The following MOK variants were observed in gnomAD, a reference collection of about 807,000 sequenced individuals.
MOK encodes MOK protein kinase.
MOK carries 59 observed loss-of-function variants against 54.2 expected under a neutral mutation model. The observed-to-expected ratio is 1.09, with a 90% CI of 0.88 to 1.35. The LOEUF (loss-of-function observed/expected upper bound fraction) is 1.35, where lower values mean the gene tolerates loss of function less well. Ranked by LOEUF, MOK falls within the 40% of genes most tolerant of loss-of-function variation. The probability of loss-of-function intolerance (pLI) is 0.00; values close to 1 mark genes in which losing one functional copy is unlikely to be tolerated. For synonymous variants in MOK, 210 were observed against 202.7 expected (o/e 1.04, Z -0.31); for missense variants, 517 against 526.2 (o/e 0.98, Z 0.17).
chr14:102,229,849 G>A lies in MOK; in HGVS notation c.982-192C>T, dbSNP rs1291433367. ...TGCCCACTAGAGTCCCACGGGGGAG[G>A]CCAAACCTTCAGGGGGAACCTGAAG... is the stretch of plus-strand genomic sequence containing the variant. On this transcript the variant is annotated intron_variant, in intron 10 of 11. Transcript: ENST00000361847. 1.0e-5 allele frequency: 6 copies of A among 593,312 alleles called. No homozygotes were observed. The East Asian group carries it at 1.4e-4, about 14-fold the overall frequency. 36.8% of individuals were successfully genotyped at this position (593,312 alleles called of 1,614,324 possible).
downstream of MOK, chr14:102,223,061 A>G (rs1409663161): frequency 1.7e-6 from 1 of 605,760 alleles, no homozygotes; most frequent in Non-Finnish European, 2.8e-6. Context: ...CTGCTCACCC[A>G]AAGAAGTTGT....
intron 2 of MOK, among the ~76,000 whole-genome samples, chr14:102,282,078 G>C (rs1397005749): frequency 6.6e-6 from 1 of 152,092 alleles, no homozygotes; most frequent in South Asian, 2.1e-4. Context: ...TATGAAACAA[G>C]GATAACTACC....
At chr14:102,219,710 C>A (rs950574617), downstream of MOK, among the ~76,000 whole-genome samples, 1 of 152,208 alleles carries the variant, frequency 6.6e-6, no homozygotes, top group Non-Finnish European at 1.5e-5. Flanking sequence ...GCATGGGGAC[C>A]CTGAGTTTTG....
chr14:102,258,711 AC>A (rs1166182722), intron 4 of MOK, among the ~76,000 whole-genome samples: 2 of 152,104 alleles, frequency 1.3e-5, no homozygotes, highest in Non-Finnish European at 1.5e-5. Context: ...AAAGAAATCT[AC>A]CCCAGCAATT....
At position 102,287,848 on chromosome 14, in the gene MOK, C is replaced by T. The variant is rs892436589; in HGVS notation, c.8-4256G>A. ...TTTTTTTTTTTTTTTTTTTTTGAGA[C>T]GGAGTCTTGCTCTGTCGCCCAGGCC... On this transcript the variant is annotated intron_variant, in intron 1 of 11. Coordinates refer to ENST00000361847, the MANE Select transcript of MOK (RefSeq NM_014226.3). Among the ~76,000 whole-genome samples, 116 of 126,124 alleles carry T rather than the reference C, an allele frequency of 9.2e-4. 1 individual carries two copies. Among genetic ancestry groups the T allele is most frequent in the African/African-American group, 2.9e-3 (91 of 31,666 alleles). The allele number at this position is 126,124 out of a possible 152,430, so 82.7% of individuals were successfully genotyped here. A position where few individuals can be genotyped will look rare whatever the true frequency, so the allele number is the denominator to read the frequency against.
intron 4 of MOK, among the ~76,000 whole-genome samples, chr14:102,261,182 G>A (rs2067361000): frequency 6.7e-6 from 1 of 149,454 alleles, no homozygotes; most frequent in African/African-American, 2.5e-5. Flanking sequence ...GCTTGCACCT[G>A]GGAGGCAGAG....
At chr14:102,296,465 A>C (rs537558194) in intron 1 of MOK, among the ~76,000 whole-genome samples, 26 of 152,304 alleles carry the variant, frequency 1.7e-4, no homozygotes, top group Non-Finnish European at 3.1e-4. Context: ...AAATGTATGA[A>C]TGTCCATCTA....
chr14:102,243,467 T>C (rs573189074), intron 7 of MOK, among the ~76,000 whole-genome samples: 2 of 152,354 alleles, frequency 1.3e-5, no homozygotes. Context: ...CTGGCCATCA[T>C]GTCTCTGTGT....
chr14:102,251,654 G>A (rs781121757), intron 6 of MOK, 102 bp downstream of exon 6: 2 of 900,188 alleles, frequency 2.2e-6, no homozygotes, highest in Non-Finnish European at 3.6e-6. Flanking sequence ...CTGTCTAGCC[G>A]CATGGACTGA....
intron 1 of MOK, among the ~76,000 whole-genome samples, chr14:102,287,894 G>A (rs996614410): frequency 1.4e-5 from 2 of 147,768 alleles, no homozygotes; most frequent in African/African-American, 5.1e-5. Context: ...CTGCAGTGGC[G>A]CAATCTCGGC....
At position 102,240,089 on chromosome 14, in the gene MOK, C is replaced by T. The variant is rs2065587669; in HGVS notation, c.591-6300G>A. On this transcript the variant is annotated intron_variant, in intron 7 of 11. Transcript: ENST00000361847. This position sits in a 1 kb window ranked among gnomAD's most constrained non-coding sequence, Gnocchi z 5.4. The stretch of plus-strand genomic sequence containing the variant: ...TACCTTGTGAAATTCCTTCTCCTGG[C>T]TCAGAAGCTTCCACACTGAGCACCT... 6.6e-6 allele frequency among the ~76,000 whole-genome samples: 1 copy of T among 152,178 alleles called. No homozygotes were observed. The highest frequency in any genetic ancestry group is 6.5e-5 in the Admixed American group (1 of 15,286).
chr14:102,290,205 C>T lies in MOK; in HGVS notation c.8-6613G>A, dbSNP rs549812010. Among the ~76,000 whole-genome samples, 14 of 151,128 alleles carry T rather than the reference C, an allele frequency of 9.3e-5. 1 individual carries two copies. The South Asian group carries it at 2.7e-3, about 29-fold the overall frequency. ...CTATAATCCCAGCACTTTGGAAGGCCGAGGTGGGCAGATCATCTGAGGTCG... is the reference window on the plus strand; with the variant it reads ...CTATAATCCCAGCACTTTGGAAGGCTGAGGTGGGCAGATCATCTGAGGTCG... On this transcript the variant is annotated intron_variant, in intron 1 of 11. Coordinates refer to ENST00000361847, the MANE Select transcript of MOK (RefSeq NM_014226.3).
chr14:102,226,146 G>A (rs529171689), downstream of MOK: 18 of 595,318 alleles, frequency 3.0e-5, no homozygotes, highest in South Asian at 3.4e-4. The surrounding 1 kb of genome is among the most constrained non-coding windows in gnomAD (Gnocchi z 4.8). Context: ...AGATGGAAAT[G>A]GCTGATGGAG....
At chr14:102,221,922 C>G (rs1042432792), downstream of MOK, among the ~76,000 whole-genome samples, 17 of 152,250 alleles carry the variant, frequency 1.1e-4, no homozygotes, top group African/African-American at 4.1e-4. This position sits in a 1 kb window ranked among gnomAD's most constrained non-coding sequence, Gnocchi z 4.8. Flanking sequence ...TGCACTGTCG[C>G]CATCTTAATG....
intron 2 of MOK, among the ~76,000 whole-genome samples, chr14:102,272,818 C>T (rs1567206119): frequency 6.6e-6 from 1 of 152,182 alleles, no homozygotes; most frequent in Non-Finnish European, 1.5e-5. Context: ...ATGCTGAACA[C>T]TTCCCCGCTA....
At chr14:102,226,051 G>A (rs896689076), downstream of MOK, 10 of 483,964 alleles carry the variant, frequency 2.1e-5, no homozygotes, top group Non-Finnish European at 3.3e-5. The surrounding 1 kb of genome is among the most constrained non-coding windows in gnomAD (Gnocchi z 4.8). Flanking sequence ...TGGCTGCACC[G>A]CAGGTGTGGG....
chr14:102,260,380 G>A (rs947535163), intron 4 of MOK, among the ~76,000 whole-genome samples: 7 of 152,050 alleles, frequency 4.6e-5, no homozygotes, highest in African/African-American at 1.7e-4. Context: ...GCCTGACAGG[G>A]TTGTTGGAAG....
Position 102,235,709 on chromosome 14 carries a change from G to T in MOK, c.591-1920C>A, listed in dbSNP as rs979873788. ...ACAGAGACTCTCCAAAAATACACGC[G>T]TGTCGATCCCGCCTCCCGGGAAGGA... On this transcript the variant is annotated intron_variant, in intron 7 of 11. Transcript: ENST00000361847. The surrounding 1 kb of genome is among the most constrained non-coding windows in gnomAD (Gnocchi z 4.4). The T allele has an allele frequency of 2.6e-5, 4 of 152,086 alleles. No homozygotes were observed. The highest frequency in any genetic ancestry group is 9.7e-5 in the African/African-American group (4 of 41,390). The allele number at this position is 152,086 out of a possible 1,614,324, so 9.4% of individuals were successfully genotyped here.
intron 1 of MOK, among the ~76,000 whole-genome samples, chr14:102,300,075 G>C (rs534766805): frequency 6.6e-6 from 1 of 152,042 alleles, no homozygotes; most frequent in Admixed American, 6.6e-5. Context: ...TATAATCCCA[G>C]CACTTTGGGA....
Sources: allele counts gnomAD v4.1 joint callset (sites outside exome capture counted in the v4.1 genomes callset), GRCh38; gene constraint gnomAD v4.1.1; non-coding constraint Gnocchi (gnomAD v3.1); transcripts MANE v1.5; gene names NCBI Gene and HGNC (gene_info 2026-07-23, HGNC 2026-07-21).